AR: variants seen among roughly 807,000 people sequenced by gnomAD.
AR encodes the protein dihydrotestosterone receptor.
Under a neutral mutation model 53.9 loss-of-function variants are expected in AR, and 8 were observed. The observed-to-expected ratio is 0.15, with a 90% CI of 0.09 to 0.27. The LOEUF (loss-of-function observed/expected upper bound fraction) is 0.27, where lower values mean the gene tolerates loss of function less well. Among genes scored for constraint, AR ranks in the 10% least tolerant of loss-of-function variants. The pLI, the probability that AR is intolerant of heterozygous loss-of-function variation, is 1.00. For missense variants in AR, 639 were observed against 742.5 expected (o/e 0.86, Z 1.62); for synonymous variants, 359 against 316.4 (o/e 1.13, Z -1.43).
At chrX:67,546,911 C>T in intron 1 of AR, 149 bp downstream of exon 1, 1 of 656,150 alleles carries the variant, frequency 1.5e-6, no homozygotes, top group Non-Finnish European at 2.3e-6. Context: ...CCCGTGGACT[C>T]CCGGCCTGCC....
chrX:67,653,031 A>G (rs1327878815), intron 2 of AR, among the ~76,000 whole-genome samples: 1 of 111,894 alleles, frequency 8.9e-6, no homozygotes, highest in Non-Finnish European at 1.9e-5. Flanking sequence ...GACTACAGTG[A>G]TATCCAACAT....
At position 67,728,887 on chromosome X, in the gene AR, G is replaced by A. The variant is rs193056259; in HGVS notation, c.*5046G>A. 2.4e-5 allele frequency: 4 copies of A among 170,156 alleles called. No homozygotes were observed. In the East Asian group the frequency reaches 3.3e-4, roughly 14 times the overall value. The allele number at this position is 170,156 out of a possible 1,213,427, so 14.0% of individuals were successfully genotyped here. ...AGTTCAAGACAGATGAATGTGGAAA[G>A]CATAAAAACTCAATGGAACTGACTG... On this transcript the variant is annotated 3_prime_UTR_variant, in exon 8 of 8. Transcript: ENST00000374690.
Position 67,723,864 on chromosome X carries a change from C to T in AR, c.*23C>T. On this transcript the variant is annotated 3_prime_UTR_variant, in exon 8 of 8. Transcript: ENST00000374690. ...TGAAGCATTGGAAACCCTATTTCCC[C>T]ACCCCAGCTCATGCCCCCTTTCAGA... 1 of 1,206,406 alleles carries T rather than the reference C, an allele frequency of 8.3e-7. No individual in the cohort carries two copies. The highest frequency in any genetic ancestry group is 3.0e-4 in the Middle Eastern group (1 of 3,341).
At chrX:67,550,366 A>T (rs1929944455) in intron 1 of AR, among the ~76,000 whole-genome samples, 1 of 111,508 alleles carries the variant, frequency 9.0e-6, no homozygotes. Flanking sequence ...AAGTGTTTTC[A>T]TTCCCATAGT....
rs2076175410 is a variant in AR, at chrX:67,730,515, G to A, written c.*6674G>A. ...AAACTTGGCCACATCCCCTGTTATGGCTGCAGGATCGAGTTATTGTTAACA... is the reference window on the plus strand; with the variant it reads ...AAACTTGGCCACATCCCCTGTTATGACTGCAGGATCGAGTTATTGTTAACA... On this transcript the variant is annotated 3_prime_UTR_variant, in exon 8 of 8. Coordinates refer to ENST00000374690, the MANE Select transcript of AR (RefSeq NM_000044.6). The A allele has an allele frequency of 5.8e-6, 1 of 171,475 alleles. No individual in the cohort carries two copies. The highest frequency in any genetic ancestry group is 3.0e-5 in the African/African-American group (1 of 33,635). 14.1% of individuals were successfully genotyped at this position (171,475 alleles called of 1,213,427 possible).
At chrX:67,656,223 A>G (rs1393662998) in intron 2 of AR, among the ~76,000 whole-genome samples, 7 of 111,805 alleles carry the variant, frequency 6.3e-5, no homozygotes, top group Non-Finnish European at 1.1e-4. Context: ...ACAAGCATGT[A>G]TGGTATCAGG....
intron 1 of AR, among the ~76,000 whole-genome samples, chrX:67,611,356 T>G (rs1923872322): frequency 8.9e-6 from 1 of 111,774 alleles, no homozygotes; most frequent in Admixed American, 9.5e-5. Context: ...CCATTTATGT[T>G]TCTTTCCATG....
chrX:67,565,958 G>A (rs1391405206), intron 1 of AR, among the ~76,000 whole-genome samples: 1 of 111,896 alleles, frequency 8.9e-6, no homozygotes, highest in African/African-American at 3.2e-5. Flanking sequence ...CTTCCAAAGT[G>A]CAGGGATTAT....
chrX:67,586,519 A>G (rs1922554172), intron 1 of AR, among the ~76,000 whole-genome samples: 2 of 112,189 alleles, frequency 1.8e-5, no homozygotes, highest in South Asian at 7.5e-4. Context: ...TGAGAGATGA[A>G]AATTCCTTCT....
At chrX:67,716,351 T>G (rs2076113291) in intron 4 of AR, among the ~76,000 whole-genome samples, 1 of 111,929 alleles carries the variant, frequency 8.9e-6, no homozygotes, top group Non-Finnish European at 1.9e-5. Flanking sequence ...TTGGATGAGT[T>G]GGGAAAGCCT....
At position 67,544,744 on chromosome X, in the gene AR, A is replaced by G. The variant is rs1929623248; in HGVS notation, c.-403A>G. On this transcript the variant is annotated 5_prime_UTR_variant, in exon 1 of 8. Coordinates refer to ENST00000374690, the MANE Select transcript of AR (RefSeq NM_000044.6). Reference sequence around the variant, plus strand: ...GTCAGGTCTTCAGTAGCCAAAAAACAAAACAAACAAAAACAAAAAAGCCGA... The same window carrying G: ...GTCAGGTCTTCAGTAGCCAAAAAACGAAACAAACAAAAACAAAAAAGCCGA... 2 of 178,815 alleles carry G rather than the reference A, an allele frequency of 1.1e-5. No individual in the cohort carries two copies. Among genetic ancestry groups the G allele is most frequent in the Admixed American group, 1.5e-4 (2 of 12,956 alleles). 14.7% of individuals were successfully genotyped at this position (178,815 alleles called of 1,213,427 possible).
intron 2 of AR, among the ~76,000 whole-genome samples, chrX:67,684,831 G>A (rs2075956725): frequency 9.0e-6 from 1 of 111,363 alleles, no homozygotes; most frequent in Non-Finnish European, 1.9e-5. Flanking sequence ...AGTAAAGGGA[G>A]AGGAAAGCTG....
At chrX:67,569,172 A>T in intron 1 of AR, 3 of 225,582 alleles carry the variant, frequency 1.3e-5, no homozygotes, top group Non-Finnish European at 2.3e-5. Flanking sequence ...ATGTTGACTA[A>T]TTTGGGGCAG....
At chrX:67,636,246 T>G (rs1925429813) in intron 1 of AR, among the ~76,000 whole-genome samples, 1 of 111,306 alleles carries the variant, frequency 9.0e-6, no homozygotes, top group South Asian at 3.8e-4. Flanking sequence ...TAAATCTACT[T>G]ATATCCTCTT....
chrX:67,708,930 T>C (rs990927521), intron 3 of AR, among the ~76,000 whole-genome samples: 1 of 112,122 alleles, frequency 8.9e-6, no homozygotes, highest in East Asian at 2.8e-4. Context: ...TGCCTGGGTG[T>C]CGGCAGCAGA....
intron 7 of AR, 110 bp from the exon 8 acceptor site, chrX:67,723,576 G>C: frequency 1.2e-6 from 1 of 868,745 alleles, no homozygotes; most frequent in Middle Eastern, 3.9e-4. Context: ...GTACGGGGAA[G>C]GGGGAGGAAA....
chrX:67,591,407 T>C (rs1922824268), intron 1 of AR, among the ~76,000 whole-genome samples: 1 of 111,951 alleles, frequency 8.9e-6, no homozygotes, highest in East Asian at 2.8e-4. Context: ...AGAAATAAAC[T>C]GGAGAGCTTG....
intron 1 of AR, among the ~76,000 whole-genome samples, chrX:67,617,552 A>G (rs776767474): frequency 1.8e-5 from 2 of 112,000 alleles, no homozygotes; most frequent in South Asian, 7.4e-4. Context: ...TATAGATATC[A>G]TAGAAGATAT....
chrX:67,573,450 G>T (rs986289520), intron 1 of AR, among the ~76,000 whole-genome samples: 2 of 111,501 alleles, frequency 1.8e-5, no homozygotes, highest in Non-Finnish European at 3.8e-5. Context: ...TATCCATTTA[G>T]GGACAGCAGG....
Sources: gnomAD v4.1 joint callset for allele counts (sites outside exome capture counted in the v4.1 genomes callset) on GRCh38, gnomAD v4.1.1 for gene constraint, MANE v1.5 for transcripts, NCBI Gene and HGNC (gene_info 2026-07-23, HGNC 2026-07-21) for gene names.